CHPT1: variants seen among roughly 807,000 people sequenced by gnomAD.
The protein encoded by CHPT1 is cholinephosphotransferase 1.
Under a neutral mutation model 47.6 loss-of-function variants are expected in CHPT1, and 36 were observed. The ratio of observed to expected loss-of-function variants is 0.76; its 90% CI spans 0.58 to 1.00. The LOEUF is 1.00. Ranked by LOEUF, CHPT1 falls within the 50% of genes least tolerant of loss-of-function variation. The probability of loss-of-function intolerance (pLI) is 0.00; values close to 1 mark genes in which losing one functional copy is unlikely to be tolerated. For synonymous variants in CHPT1, 194 were observed against 186.3 expected (o/e 1.04, Z -0.33); for missense variants, 458 against 498.1 (o/e 0.92, Z 0.77).
At chr12:101,725,081 C>A (rs1243724413) in intron 7 of CHPT1, among the ~76,000 whole-genome samples, 1 of 152,040 alleles carries the variant, frequency 6.6e-6, no homozygotes, top group East Asian at 1.9e-4. Context: ...AATAATCTCA[C>A]CGTATTTGTT....
rs768456280 is a variant in CHPT1 at position 101,723,820 on chromosome 12, C to T, written c.1038C>T (p.Asp346=). 39 of 1,524,044 alleles carry T rather than the reference C, an allele frequency of 2.6e-5. No homozygotes were observed. The highest frequency in any genetic ancestry group is 4.2e-5 in the African/African-American group (3 of 71,630). The allele number at this position is 1,524,044 out of a possible 1,614,324, so 94.4% of individuals were successfully genotyped here. Residue 346 remains aspartate (D), a synonymous_variant, in exon 7 of 9, where the codon GAC becomes GAT. Coordinates refer to ENST00000229266, the MANE Select transcript of CHPT1 (RefSeq NM_020244.3). The part of the protein sequence containing the change: ...FLDQYFNNFI[D]EYVVLWMAMV... The stretch of plus-strand genomic sequence containing the variant: ...ACCAGTACTTTAATAACTTTATAGA[C>T]GAATATGTTGTTCTATGGATGGCAA...
intron 2 of CHPT1, 127 bp downstream of exon 2, chr12:101,714,364 C>T: frequency 8.4e-7 from 1 of 1,187,314 alleles, no homozygotes; most frequent in Non-Finnish European, 1.2e-6. Flanking sequence ...AAAAGTATGT[C>T]AAGAATTCAT....
intron 7 of CHPT1, 103 bp from the exon 8 acceptor site, chr12:101,726,191 G>A (rs1951940175): frequency 1.3e-6 from 1 of 754,898 alleles, no homozygotes; most frequent in Admixed American, 2.6e-5. Context: ...TTTTGGTGAA[G>A]AATTTTAGGT....
At chr12:101,720,296 C>G (rs376585158) in intron 5 of CHPT1, 42 bp downstream of exon 5, 1 of 1,518,022 alleles carries the variant, frequency 6.6e-7, no homozygotes, top group Non-Finnish European at 9.0e-7. Context: ...TTTTATGATA[C>G]ATTTTCTTAT....
chr12:101,713,394 C>T (rs1366649221), intron 1 of CHPT1, among the ~76,000 whole-genome samples: 1 of 152,144 alleles, frequency 6.6e-6, no homozygotes, highest in Non-Finnish European at 1.5e-5. Context: ...CAGCTCTGTC[C>T]TCTCAGGCAC....
rs1951490884 is a variant in CHPT1, at chr12:101,698,079, T to C, written c.218T>C (p.Val73Ala). The C allele has an allele frequency of 1.3e-6, 2 of 1,567,034 alleles. No homozygotes were observed. The highest frequency in any genetic ancestry group is 1.7e-6 in the Non-Finnish European group (2 of 1,164,816). Residue 73 changes from valine (V) to alanine (A), a missense_variant, in exon 1 of 9, where the codon GTC (valine) becomes GCC (alanine). Transcript: ENST00000229266. ...PNSITLLGLA[V>A]NVVTTLVLIS... ...TCCATCACCCTGCTGGGGCTCGCCG[T>C]CAACGTGGTCACCACGCTCGTGCTC...
At chr12:101,728,795 G>T in intron 8 of CHPT1, 106 bp from the exon 9 acceptor site, 2 of 1,293,298 alleles carry the variant, frequency 1.5e-6, no homozygotes, top group South Asian at 1.3e-5. Flanking sequence ...AGAAAGGGAG[G>T]TCTTACAATG....
At chr12:101,716,659 G>A in intron 3 of CHPT1, 69 bp from the exon 4 acceptor site, 1 of 913,226 alleles carries the variant, frequency 1.1e-6, no homozygotes. Context: ...TATTTAATAT[G>A]TGATGAACCT....
In CHPT1 at chr12:101,723,219, G is replaced by A; in HGVS notation, c.832G>A (p.Ala278Thr). 1.9e-6 allele frequency: 3 copies of A among 1,611,626 alleles called. No individual in the cohort carries two copies. The highest frequency in any genetic ancestry group is 2.5e-6 in the Non-Finnish European group (3 of 1,178,052). Residue 278 changes from alanine to threonine, a missense_variant, in exon 6 of 9, where the codon GCA (alanine) becomes ACA (threonine). By Grantham distance (58) the Ala-to-Thr change is moderately conservative (BLOSUM62 0). Transcript: ENST00000229266. The part of the protein sequence containing the change: ...GLHIGLIIIL[A>T]IMIYKKSATD... ...CCACATAGGACTAATTATTATACTG[G>A]CAATAATGATCTATAAAAAGTCAGC...
chr12:101,709,388 C>CAAAAA (rs544323245), intron 1 of CHPT1, among the ~76,000 whole-genome samples: 1 of 71,470 alleles, frequency 1.4e-5, no homozygotes, highest in Non-Finnish European at 3.0e-5. Flanking sequence ...AGACCTGTGT[C>CAAAAA]AAAAAAAAAA....
intron 1 of CHPT1, among the ~76,000 whole-genome samples, chr12:101,699,984 T>C (rs1297690330): frequency 6.6e-6 from 1 of 152,168 alleles, no homozygotes; most frequent in Non-Finnish European, 1.5e-5. Context: ...ATGATATATA[T>C]GCAGATAAAT....
At chr12:101,726,271 T>C (rs1951941462) in intron 7 of CHPT1, 23 bp from the exon 8 acceptor site, 1 of 1,477,654 alleles carries the variant, frequency 6.8e-7, no homozygotes, top group Non-Finnish European at 9.4e-7. Context: ...ATCGATTTTA[T>C]ATTTTCTTTT....
chr12:101,723,943 G>C (rs529383831), intron 7 of CHPT1, 96 bp downstream of exon 7: 2 of 929,572 alleles, frequency 2.2e-6, no homozygotes, highest in African/African-American at 1.7e-5. Flanking sequence ...TAGGCCAGGC[G>C]TGGTGACTCA....
chr12:101,714,462 T>C, intron 2 of CHPT1, 42 bp from the exon 3 acceptor site: 1 of 1,518,874 alleles, frequency 6.6e-7, no homozygotes, highest in Admixed American at 2.1e-5. Flanking sequence ...TTTCATAAAT[T>C]ATTTTTAATT....
chr12:101,713,327 G>C (rs1207072284), intron 1 of CHPT1, among the ~76,000 whole-genome samples: 1 of 152,288 alleles, frequency 6.6e-6, no homozygotes, highest in East Asian at 1.9e-4. Flanking sequence ...GTTCTCAGCC[G>C]AAGACGGAAA....
In CHPT1 at chr12:101,706,329, G is replaced by A. The variant is rs1182938676; in HGVS notation, c.274-7761G>A. 3.3e-5 allele frequency among the ~76,000 whole-genome samples: 5 copies of A among 149,974 alleles called. No homozygotes were observed. In the East Asian group the frequency reaches 6.0e-4, roughly 18 times the overall value. ...TACACCACTGCACTCCAGCCTGGGCGACAGAGTGAGACTCTGTCTCAAGAA... is the reference window on the plus strand; with the variant it reads ...TACACCACTGCACTCCAGCCTGGGCAACAGAGTGAGACTCTGTCTCAAGAA... On this transcript the variant is annotated intron_variant, in intron 1 of 8. Coordinates refer to ENST00000229266, the MANE Select transcript of CHPT1 (RefSeq NM_020244.3).
At chr12:101,702,825 T>C (rs1308377459) in intron 1 of CHPT1, among the ~76,000 whole-genome samples, 1 of 152,100 alleles carries the variant, frequency 6.6e-6, no homozygotes, top group African/African-American at 2.4e-5. Context: ...TTCCAGGAGA[T>C]AGAAGCAGGG....
intron 1 of CHPT1, among the ~76,000 whole-genome samples, chr12:101,698,998 G>A (rs1479762890): frequency 6.6e-6 from 1 of 152,212 alleles, no homozygotes; most frequent in Non-Finnish European, 1.5e-5. Context: ...TCATTTGAGT[G>A]TAGGCCTTGT....
intron 7 of CHPT1, 27 bp downstream of exon 7, chr12:101,723,874 T>A: frequency 6.9e-7 from 1 of 1,451,502 alleles, no homozygotes; most frequent in South Asian, 1.2e-5. Context: ...ATTTTATTTA[T>A]TTTTTAACAA....
Sources: allele counts gnomAD v4.1 joint callset (sites outside exome capture counted in the v4.1 genomes callset), GRCh38; gene constraint gnomAD v4.1.1; transcripts MANE v1.5; gene names NCBI Gene and HGNC (gene_info 2026-07-23, HGNC 2026-07-21).